The following NAALADL2 variants were observed in gnomAD, a reference collection of about 807,000 sequenced individuals.
NAALADL2 encodes the protein N-acetylated alpha-linked acidic dipeptidase like 2.
Under a neutral mutation model 87.2 loss-of-function variants are expected in NAALADL2, and 76 were observed. The observed-to-expected ratio is 0.87, with a 90% CI of 0.72 to 1.05. The LOEUF (loss-of-function observed/expected upper bound fraction) is 1.05, where lower values mean the gene tolerates loss of function less well. Among genes scored for constraint, NAALADL2 ranks in the 50% least tolerant of loss-of-function variants. The pLI is 0.00. For synonymous variants in NAALADL2, 354 were observed against 331.0 expected (o/e 1.07, Z -0.75); for missense variants, 1,089 against 945.8 (o/e 1.15, Z -1.99).
chr3:174,959,881 A>G (rs1035072358), intron 1 of NAALADL2, among the ~76,000 whole-genome samples: 1 of 152,064 alleles, frequency 6.6e-6, no homozygotes, highest in African/African-American at 2.4e-5. Context: ...TTATGAGTTG[A>G]CATCCATTGC....
chr3:174,917,357 C>T (rs1490149333), intron 1 of NAALADL2, among the ~76,000 whole-genome samples: 3 of 151,960 alleles, frequency 2.0e-5, no homozygotes, highest in Non-Finnish European at 4.4e-5. Context: ...CATTTTATGG[C>T]AAAAATGTAC....
chr3:175,286,066 A>C (rs1754934447), intron 4 of NAALADL2, among the ~76,000 whole-genome samples: 1 of 152,248 alleles, frequency 6.6e-6, no homozygotes, highest in South Asian at 2.1e-4. Flanking sequence ...CTGAGGTTAC[A>C]GGAAAACAAG....
intron 11 of NAALADL2, among the ~76,000 whole-genome samples, chr3:175,728,151 T>C (rs1743187587): frequency 2.0e-5 from 3 of 152,080 alleles, no homozygotes; most frequent in African/African-American, 7.2e-5. Flanking sequence ...AGGGGAGCAA[T>C]GGAAAGGAAG....
chr3:174,670,815 C>T (rs752391505), intron 2 of NAALADL2, among the ~76,000 whole-genome samples: 3 of 151,962 alleles, frequency 2.0e-5, no homozygotes, highest in Non-Finnish European at 2.9e-5. Flanking sequence ...ATCTGTGTCC[C>T]TGCCCAAATC....
chr3:175,510,399 G>T (rs1730998034), intron 9 of NAALADL2, among the ~76,000 whole-genome samples: 1 of 152,080 alleles, frequency 6.6e-6, no homozygotes. Flanking sequence ...CTGTGTCTCA[G>T]TTTTGTTCAT....
chr3:174,798,836 AT>A (rs1718457585), intron 3 of NAALADL2, among the ~76,000 whole-genome samples: 1 of 151,828 alleles, frequency 6.6e-6, no homozygotes, highest in South Asian at 2.1e-4. Flanking sequence ...ATTCCTATGG[AT>A]TTTTTTATAT....
intron 10 of NAALADL2, among the ~76,000 whole-genome samples, chr3:175,624,534 AC>A (rs1726708635): frequency 1.3e-5 from 2 of 152,028 alleles, no homozygotes; most frequent in Non-Finnish European, 2.9e-5. Context: ...TGCTAAGTGA[AC>A]CTTTTATTAT....
chr3:175,182,843 T>G (rs1359073844), intron 2 of NAALADL2, among the ~76,000 whole-genome samples: 3 of 152,038 alleles, frequency 2.0e-5, no homozygotes, highest in African/African-American at 7.2e-5. Flanking sequence ...TCCTCTCTGT[T>G]TTCTTCTAGT....
intron 3 of NAALADL2, among the ~76,000 whole-genome samples, chr3:175,243,919 C>A (rs1747475008): frequency 1.3e-5 from 2 of 152,106 alleles, no homozygotes; most frequent in Admixed American, 1.3e-4. Flanking sequence ...GAAATATAAA[C>A]CTTCCTGGGA....
At chr3:175,004,335 C>T (rs139685985) in intron 1 of NAALADL2, among the ~76,000 whole-genome samples, 334 of 139,342 alleles carry the variant, frequency 2.4e-3, no homozygotes, top group African/African-American at 8.7e-3. Context: ...GCCATGTTCA[C>T]GCCTCTACAC....
Position 175,803,286 on chromosome 3 carries a change from G to T in NAALADL2, c.*83G>T, listed in dbSNP as rs1446255792. The T allele has an allele frequency of 3.1e-6, 3 of 955,490 alleles. No individual in the cohort carries two copies. The highest frequency in any genetic ancestry group is 2.8e-5 in the Admixed American group (1 of 35,296). 59.2% of individuals were successfully genotyped at this position (955,490 alleles called of 1,614,324 possible). On this transcript the variant is annotated 3_prime_UTR_variant, in exon 14 of 14. Coordinates refer to ENST00000454872, the MANE Select transcript of NAALADL2 (RefSeq NM_207015.3). ...TTAACCAGATTTTCTGACATTGAAG[G>T]CTTATTTTCCCCAATGGCTTTTTGA...
At chr3:175,007,211 A>G (rs1270369947) in intron 1 of NAALADL2, among the ~76,000 whole-genome samples, 1 of 151,750 alleles carries the variant, frequency 6.6e-6, no homozygotes, top group Admixed American at 6.6e-5. Context: ...TGTGTATATA[A>G]CCTATTGTAG....
At chr3:175,693,378 A>T (rs1737298085) in intron 11 of NAALADL2, among the ~76,000 whole-genome samples, 1 of 152,188 alleles carries the variant, frequency 6.6e-6, no homozygotes. Flanking sequence ...ACATTGATAC[A>T]CAAGCTGGAG....
At chr3:175,494,410 A>G (rs1560648107) in intron 9 of NAALADL2, among the ~76,000 whole-genome samples, 1 of 152,104 alleles carries the variant, frequency 6.6e-6, no homozygotes. Flanking sequence ...GGAATCTTTA[A>G]AATAAACCTG....
intron 2 of NAALADL2, among the ~76,000 whole-genome samples, chr3:175,136,541 G>T (rs2108682853): frequency 6.6e-6 from 1 of 152,208 alleles, no homozygotes; most frequent in Admixed American, 6.5e-5. Context: ...AGAAAACTAT[G>T]TATTTGTTCC....
At chr3:174,702,379 A>G (rs939680398) in intron 2 of NAALADL2, among the ~76,000 whole-genome samples, 18 of 152,144 alleles carry the variant, frequency 1.2e-4, no homozygotes, top group African/African-American at 4.3e-4. Flanking sequence ...GTCAATTAAC[A>G]TGACATAAAT....
intron 1 of NAALADL2, among the ~76,000 whole-genome samples, chr3:174,865,329 T>G (rs765958410): frequency 1.3e-5 from 2 of 151,990 alleles, no homozygotes; most frequent in Admixed American, 6.6e-5. Flanking sequence ...AACCATACAA[T>G]CAACTTTACC....
At chr3:175,043,967 A>G (rs993358877) in intron 1 of NAALADL2, among the ~76,000 whole-genome samples, 8 of 152,158 alleles carry the variant, frequency 5.3e-5, no homozygotes, top group Non-Finnish European at 7.4e-5. Flanking sequence ...TGCTTTACAT[A>G]ATACAAATAT....
At chr3:175,714,931 A>G (rs906430552) in intron 11 of NAALADL2, among the ~76,000 whole-genome samples, 1 of 152,198 alleles carries the variant, frequency 6.6e-6, no homozygotes, top group African/African-American at 2.4e-5. Context: ...TAAAAACCCT[A>G]GAAGAAAACC....
Sources: allele counts gnomAD v4.1 joint callset (sites outside exome capture counted in the v4.1 genomes callset), GRCh38; gene constraint gnomAD v4.1.1; transcripts MANE v1.5; gene names NCBI Gene and HGNC (gene_info 2026-07-23, HGNC 2026-07-21).